Variants in PTPRZ1 observed in about 807,000 individuals in gnomAD.
The protein encoded by PTPRZ1 is receptor-type tyrosine-protein phosphatase zeta.
In PTPRZ1, 82 loss-of-function variants were observed where a neutral mutation model predicts 214.1. The observed-to-expected ratio is 0.38, with a 90% confidence interval of 0.32 to 0.46. The LOEUF (loss-of-function observed/expected upper bound fraction) is 0.46. Ranked by LOEUF, PTPRZ1 falls within the 20% of genes least tolerant of loss-of-function variation. PTPRZ1 has a pLI of 1.00. For synonymous variants in PTPRZ1, 945 were observed against 987.9 expected, an observed-to-expected ratio of 0.96 and a Z score of 0.81; for missense variants, 2,603 against 2,748.7, an observed-to-expected ratio of 0.95 and a Z score of 1.19.
chr7:121,975,998 T>C (rs1037530442), intron 4 of PTPRZ1, among the ~76,000 whole-genome samples, 175 bp from the exon 5 acceptor site: 7 of 152,230 alleles, frequency 4.6e-5, no homozygotes, highest in Non-Finnish European at 1.0e-4. Flanking sequence ...ATTTTGGTTT[T>C]AGATATGTCT....
chr7:121,892,445 T>C (rs1794661499), intron 1 of PTPRZ1, among the ~76,000 whole-genome samples: 1 of 151,926 alleles, frequency 6.6e-6, no homozygotes, highest in Non-Finnish European at 1.5e-5. Flanking sequence ...CAAAACTTAG[T>C]ACCTGCCTGG....
At chr7:121,961,242 T>C (rs1796866605) in intron 2 of PTPRZ1, among the ~76,000 whole-genome samples, 1 of 152,160 alleles carries the variant, frequency 6.6e-6, no homozygotes. Flanking sequence ...CTCACTGGTC[T>C]CCCCAGGCAC....
intron 23 of PTPRZ1, 65 bp from the exon 24 acceptor site, chr7:122,051,359 ATGTG>A: frequency 3.1e-5 from 29 of 930,748 alleles, no homozygotes; most frequent in Non-Finnish European, 4.3e-5. Flanking sequence ...GTCTGTATGT[ATGTG>A]TGTGTGTGTG....
At chr7:121,937,991 A>G (rs534943056) in intron 2 of PTPRZ1, among the ~76,000 whole-genome samples, 2 of 152,308 alleles carry the variant, frequency 1.3e-5, no homozygotes, top group South Asian at 4.1e-4. Context: ...ATCTAAGAAA[A>G]TCATGTATGT....
At chr7:121,985,935 A>G (rs1344084929) in intron 8 of PTPRZ1, among the ~76,000 whole-genome samples, 1 of 152,220 alleles carries the variant, frequency 6.6e-6, no homozygotes, top group African/African-American at 2.4e-5. Flanking sequence ...TGGCCAAACT[A>G]AAGTAAAGCT....
At chr7:122,022,249 C>G (rs1799039666) in intron 13 of PTPRZ1, among the ~76,000 whole-genome samples, 1 of 152,132 alleles carries the variant, frequency 6.6e-6, no homozygotes, top group Non-Finnish European at 1.5e-5. Context: ...TTAAAGTGTT[C>G]TACTATTTCC....
intron 2 of PTPRZ1, among the ~76,000 whole-genome samples, chr7:121,956,069 C>T (rs777440704): frequency 6.6e-6 from 1 of 152,042 alleles, no homozygotes; most frequent in African/African-American, 2.4e-5. Context: ...TCAGCATCCT[C>T]TCGCCAGAAC....
intron 9 of PTPRZ1, 69 bp downstream of exon 9, chr7:121,996,635 A>G: frequency 8.2e-7 from 1 of 1,226,740 alleles, no homozygotes; most frequent in Non-Finnish European, 1.1e-6. Context: ...AGAACTTACA[A>G]ATGGTTGTAT....
At chr7:122,037,810 C>T (rs564934193) in intron 18 of PTPRZ1, among the ~76,000 whole-genome samples, 90 of 152,256 alleles carry the variant, frequency 5.9e-4, no homozygotes, top group African/African-American at 2.1e-3. Flanking sequence ...GCTTTAGGTT[C>T]CTCATCTCCA....
At chr7:122,041,771 T>G (rs1428476239) in intron 21 of PTPRZ1, among the ~76,000 whole-genome samples, 1 of 152,246 alleles carries the variant, frequency 6.6e-6, no homozygotes, top group Non-Finnish European at 1.5e-5. Flanking sequence ...CTTTGATATA[T>G]AGCTTATCTA....
chr7:122,005,807 G>A (rs1233927573), intron 11 of PTPRZ1, among the ~76,000 whole-genome samples: 1 of 152,014 alleles, frequency 6.6e-6, no homozygotes, highest in South Asian at 2.1e-4. Flanking sequence ...TTCTGTTTAA[G>A]TTCTGTCTTT....
intron 12 of PTPRZ1, among the ~76,000 whole-genome samples, chr7:122,018,661 T>A (rs1373187201): frequency 6.6e-6 from 1 of 152,192 alleles, no homozygotes; most frequent in Non-Finnish European, 1.5e-5. Flanking sequence ...TTTTTCTTCA[T>A]GAAATTATTA....
In PTPRZ1 at chr7:122,034,299, T is replaced by A; in HGVS notation, c.5205T>A (p.Thr1735=). 6.2e-7 allele frequency: 1 copy of A among 1,613,442 alleles called. No homozygotes were observed. Among genetic ancestry groups the A allele is most frequent in the Non-Finnish European group, 8.5e-7 (1 of 1,179,602 alleles). ...KEFYQEVQSC[T]VDLGITADSS... ...TTTTACAGGAAGTGCAGAGCTGTACTGTTGACTTAGGTATTACAGCAGACA... is the reference window on the plus strand; with the variant it reads ...TTTTACAGGAAGTGCAGAGCTGTACAGTTGACTTAGGTATTACAGCAGACA... Residue 1735 remains threonine, a synonymous_variant, in exon 17 of 30, where the codon ACT becomes ACA. Transcript: ENST00000393386.
rs894788129 is a variant in PTPRZ1 at position 121,952,014 on chromosome 7, A to G, written c.125-15937A>G. 1.2e-3 allele frequency among the ~76,000 whole-genome samples: 180 copies of G among 149,268 alleles called. 1 individual carries two copies. The highest frequency in any genetic ancestry group is 6.3e-4 in the Non-Finnish European group (43 of 67,756). Reference sequence around the variant, plus strand: ...CGCTCTGTCGCCCAGGCTGGAGTGCAGTGACGCGATCTCGGCTCACTGCAA... The same window carrying G: ...CGCTCTGTCGCCCAGGCTGGAGTGCGGTGACGCGATCTCGGCTCACTGCAA... On this transcript the variant is annotated intron_variant, in intron 2 of 29. Transcript: ENST00000393386.
chr7:122,048,431 A>T (rs1162172255), intron 23 of PTPRZ1, among the ~76,000 whole-genome samples: 1 of 152,162 alleles, frequency 6.6e-6, no homozygotes, highest in Non-Finnish European at 1.5e-5. Flanking sequence ...GTGACAATAC[A>T]TTTGAAAACC....
At chr7:121,913,425 T>A (rs1295172500) in intron 1 of PTPRZ1, among the ~76,000 whole-genome samples, 1 of 152,242 alleles carries the variant, frequency 6.6e-6, no homozygotes, top group African/African-American at 2.4e-5. Flanking sequence ...TGAAATAGTT[T>A]GAGAAGCTTT....
At chr7:121,976,327 C>T (rs893174540) in intron 5 of PTPRZ1, 59 bp downstream of exon 5, 127 of 1,039,848 alleles carry the variant, frequency 1.2e-4, no homozygotes, top group Non-Finnish European at 1.5e-4. Flanking sequence ...TAAATATTGA[C>T]GTGAAATATC....
At chr7:121,895,889 T>C (rs58971393) in intron 1 of PTPRZ1, among the ~76,000 whole-genome samples, 4 of 152,296 alleles carry the variant, frequency 2.6e-5, no homozygotes, top group African/African-American at 7.2e-5. Flanking sequence ...CCCAGATACA[T>C]ATTATTTCGT....
At chr7:122,020,356 C>T (rs1260084129) in intron 13 of PTPRZ1, among the ~76,000 whole-genome samples, 1 of 152,056 alleles carries the variant, frequency 6.6e-6, no homozygotes, top group African/African-American at 2.4e-5. Context: ...AAAGTGTATG[C>T]GTAGCAGTTG....
Sources: allele counts gnomAD v4.1 joint callset (sites outside exome capture counted in the v4.1 genomes callset), GRCh38; gene constraint gnomAD v4.1.1; transcripts MANE v1.5; gene names NCBI Gene and HGNC (gene_info 2026-07-23, HGNC 2026-07-21).